EXTL3: variants seen among roughly 807,000 people sequenced by gnomAD.
EXTL3 encodes the protein exostosin like glycosyltransferase 3, also known as exostosin-like 3.
A neutral mutation model predicts 69.3 loss-of-function variants in EXTL3; 27 were observed. The ratio of observed to expected loss-of-function variants is 0.39; its 90% confidence interval spans 0.29 to 0.54. The LOEUF is 0.54. Among genes scored for constraint, EXTL3 ranks in the 20% least tolerant of loss-of-function variants. The pLI, the probability that EXTL3 is intolerant of heterozygous loss-of-function variation, is 0.69. For synonymous variants in EXTL3, 511 were observed against 499.4 expected, an observed-to-expected ratio of 1.02 and a Z score of -0.31; for missense variants, 1,003 against 1,231.8, an observed-to-expected ratio of 0.81 and a Z score of 2.78.
At chr8:28,624,002 C>T (rs2130547241) in intron 1 of EXTL3, among the ~76,000 whole-genome samples, 1 of 152,282 alleles carries the variant, frequency 6.6e-6, no homozygotes, top group African/African-American at 2.4e-5. Context: ...ACAGTCATAC[C>T]TGTTGACTTG....
At chr8:28,614,082 C>T (rs534364501) in intron 2 of EXTL3, among the ~76,000 whole-genome samples, 9 of 151,944 alleles carry the variant, frequency 5.9e-5, no homozygotes, top group Admixed American at 1.3e-4. Flanking sequence ...CTTCCTGCCT[C>T]GGTCTCCTGA....
At chr8:28,742,797 G>A (rs966633678) in intron 5 of EXTL3, 49 of 392,042 alleles carry the variant, frequency 1.2e-4, no homozygotes, top group Non-Finnish European at 2.2e-4. Context: ...ATCTGACCTA[G>A]TTTGACAAAT....
At chr8:28,726,825 A>G (rs965086952) in intron 3 of EXTL3, among the ~76,000 whole-genome samples, 6 of 151,926 alleles carry the variant, frequency 3.9e-5, no homozygotes, top group Non-Finnish European at 7.4e-5. Flanking sequence ...GCTAACTGAC[A>G]AAACTGTAGT....
At chr8:28,687,505 G>T (rs943616956) in intron 1 of EXTL3, among the ~76,000 whole-genome samples, 35 of 152,004 alleles carry the variant, frequency 2.3e-4, no homozygotes, top group African/African-American at 7.0e-4. Context: ...GGAAGGGAAA[G>T]AATTGGGGAA....
Position 28,640,123 on chromosome 8 carries a change from A to G in EXTL3, c.-53+17313A>G, listed in dbSNP as rs190328217. Among the ~76,000 whole-genome samples the G allele has an allele frequency of 2.0e-5, 3 of 152,198 alleles. No homozygotes were observed. The East Asian group carries it at 5.8e-4, about 29-fold the overall frequency. ...TCAAAAAAAGAAGAAAAAAAAATCC[A>G]TACCCCTCTGCAGACTCTAAGGTTC... On this transcript the variant is annotated intron_variant, in intron 1 of 6. Transcript: ENST00000523149.
Position 28,716,536 on chromosome 8 carries a change from G to A in EXTL3, c.477G>A (p.Leu159=), listed in dbSNP as rs762558658. The change falls in exon 3 of 7, where the codon CTG becomes CTA. Residue 159 remains leucine (L), a synonymous_variant. Coordinates refer to ENST00000220562, the MANE Select transcript of EXTL3 (RefSeq NM_001440.4). This position sits in a 1 kb window ranked among gnomAD's most constrained non-coding sequence, Gnocchi z 7.1. The part of the protein sequence containing the change: ...NQPKLSLPIR[L]LPEKDDAGLP... ...CCAAGCTGTCCCTGCCCATCCGACT[G>A]CTCCCAGAGAAGGACGATGCCGGCC... 4 of 1,614,104 alleles carry A rather than the reference G, an allele frequency of 2.5e-6. No homozygotes were observed. Among genetic ancestry groups the A allele is most frequent in the Non-Finnish European group, 1.7e-6 (2 of 1,180,046 alleles).
intron 3 of EXTL3, among the ~76,000 whole-genome samples, chr8:28,727,916 C>A (rs567375966): frequency 6.6e-6 from 1 of 152,256 alleles, no homozygotes; most frequent in South Asian, 2.1e-4. Context: ...TTGCTATATT[C>A]CTGGTTTACT....
intron 1 of EXTL3, among the ~76,000 whole-genome samples, chr8:28,667,570 C>T (rs1807216314): frequency 2.0e-5 from 3 of 152,162 alleles, no homozygotes; most frequent in Non-Finnish European, 4.4e-5. Context: ...AAAGCTTACT[C>T]AGCTGTAATG....
At chr8:28,740,282 ATTTC>A (rs1801747786) in intron 5 of EXTL3, 1 of 151,830 alleles carries the variant, frequency 6.6e-6, no homozygotes, top group South Asian at 2.1e-4. Flanking sequence ...TCTTACACCT[ATTTC>A]TTTTTTTATT....
intron 3 of EXTL3, among the ~76,000 whole-genome samples, chr8:28,719,902 A>T (rs1801259677): frequency 6.6e-6 from 1 of 152,220 alleles, no homozygotes; most frequent in African/African-American, 2.4e-5. Context: ...ATCTTTTTTT[A>T]AAAACTCTGA....
chr8:28,743,255 T>C, intron 6 of EXTL3, 41 bp downstream of exon 6: 1 of 1,612,988 alleles, frequency 6.2e-7, no homozygotes, highest in South Asian at 1.1e-5. Context: ...TGCGTGCATG[T>C]TTACTTCACT....
intron 1 of EXTL3, among the ~76,000 whole-genome samples, chr8:28,650,121 A>C (rs898546787): frequency 6.7e-6 from 1 of 149,324 alleles, no homozygotes; most frequent in South Asian, 2.1e-4. Flanking sequence ...GCTTGAACCC[A>C]GGAGGCGGAG....
intron 2 of EXTL3, among the ~76,000 whole-genome samples, chr8:28,610,584 T>C (rs542905250): frequency 6.6e-6 from 1 of 152,272 alleles, no homozygotes; most frequent in African/African-American, 2.4e-5. Flanking sequence ...TCGGGCGCTT[T>C]CATGTGTCAG....
rs71549699 is a variant in EXTL3 at position 28,754,033 on chromosome 8, C to CGTGTGTGT, written c.*3188_*3195dup. 30,798 of 142,138 alleles carry CGTGTGTGT rather than the reference C, an allele frequency of 0.22. 3,205 individuals carry two copies. The highest frequency in any genetic ancestry group is 0.23 in the Middle Eastern group (62 of 264). The allele number at this position is 142,138 out of a possible 1,614,324, so 8.8% of individuals were successfully genotyped here. On this transcript the variant is annotated 3_prime_UTR_variant, in exon 7 of 7. Coordinates refer to ENST00000220562, the MANE Select transcript of EXTL3 (RefSeq NM_001440.4). Reference sequence around the variant, plus strand: ...AATTTTTTCATGGGAATTTAAAATGCGTGTGTGTGTGTGTGTGTGTGTGTG... The same window carrying CGTGTGTGT: ...AATTTTTTCATGGGAATTTAAAATGCGTGTGTGTGTGTGTGTGTGTGTGTGTGTGTGTG...
intron 4 of EXTL3, among the ~76,000 whole-genome samples, chr8:28,737,075 G>T (rs547682863): frequency 3.9e-4 from 60 of 152,192 alleles, no homozygotes; most frequent in Non-Finnish European, 6.9e-4. Context: ...CCTCCCAAGT[G>T]CTGAGGTTAC....
At chr8:28,731,161 G>C in intron 3 of EXTL3, 62 bp from the exon 4 acceptor site, 1 of 1,610,342 alleles carries the variant, frequency 6.2e-7, no homozygotes, top group South Asian at 1.1e-5. Flanking sequence ...CCTAAATACA[G>C]ATTTTGTTTG....
upstream of EXTL3, among the ~76,000 whole-genome samples, chr8:28,699,142 A>C (rs999621131): frequency 2.6e-5 from 4 of 152,038 alleles, no homozygotes; most frequent in Admixed American, 1.3e-4. Context: ...GCACTACTAC[A>C]CTCCAGTGTG....
At chr8:28,638,988 A>G (rs919739002) in intron 1 of EXTL3, among the ~76,000 whole-genome samples, 1 of 144,854 alleles carries the variant, frequency 6.9e-6, no homozygotes, top group Admixed American at 7.1e-5. Context: ...CCCAGGCTGC[A>G]GTGCAATGGT....
chr8:28,627,283 C>T (rs959403079), intron 1 of EXTL3, among the ~76,000 whole-genome samples: 24 of 151,750 alleles, frequency 1.6e-4, no homozygotes, highest in Admixed American at 1.1e-3. Context: ...CTGAGGCAGG[C>T]GGATCACTTG....
Sources: gnomAD v4.1 joint callset for allele counts (sites outside exome capture counted in the v4.1 genomes callset) on GRCh38, gnomAD v4.1.1 for gene constraint, Gnocchi (gnomAD v3.1) non-coding constraint, MANE v1.5 for transcripts, NCBI Gene and HGNC (gene_info 2026-07-23, HGNC 2026-07-21) for gene names.